AOPEP: variants seen among roughly 807,000 people sequenced by gnomAD.
AOPEP encodes the protein aminopeptidase O.
Under a neutral mutation model 98.1 loss-of-function variants are expected in AOPEP, and 77 were observed. The observed-to-expected ratio is 0.78, with a 90% CI of 0.65 to 0.95. AOPEP has a LOEUF of 0.95. Among genes scored for constraint, AOPEP ranks in the 40% least tolerant of loss-of-function variants. The probability of loss-of-function intolerance (pLI) is 0.00; values close to 1 mark genes in which losing one functional copy is unlikely to be tolerated. For synonymous variants in AOPEP, 346 were observed against 365.3 expected, an observed-to-expected ratio of 0.95 and a Z score of 0.60; for missense variants, 1,024 against 1,024.7, an observed-to-expected ratio of 1.00 and a Z score of 0.01.
At chr9:94,965,008 G>T (rs2059103848) in intron 9 of AOPEP, among the ~76,000 whole-genome samples, 1 of 152,116 alleles carries the variant, frequency 6.6e-6, no homozygotes, top group Admixed American at 6.5e-5. Flanking sequence ...AATCTACAAA[G>T]TTATCTATTA....
At chr9:95,103,754 G>A in the AOPEP span, among the ~76,000 whole-genome samples, 2,054 of 152,334 alleles carry the variant, frequency 0.013, 54 homozygotes, top group African/African-American at 0.046. Flanking sequence ...CCAGGTGCCT[G>A]GAGAAGAGCC....
intron 1 of AOPEP, among the ~76,000 whole-genome samples, chr9:94,729,257 A>G (rs78171921): frequency 0.038 from 5,772 of 152,250 alleles, 349 homozygotes; most frequent in African/African-American, 0.13. Flanking sequence ...GTGTTTGAAG[A>G]AATGAACTAT....
chr9:95,097,643 G>A, the AOPEP span, among the ~76,000 whole-genome samples: 199 of 152,314 alleles, frequency 1.3e-3, no homozygotes, highest in African/African-American at 2.3e-3. Flanking sequence ...TTCAGTGCAC[G>A]TTTCTGTTGC....
At chr9:95,036,582 G>A (rs2064839819) in intron 13 of AOPEP, among the ~76,000 whole-genome samples, 1 of 152,132 alleles carries the variant, frequency 6.6e-6, no homozygotes, top group Admixed American at 6.5e-5. Context: ...AACAAGAGCA[G>A]CACTTCATTC....
chr9:94,757,603 G>A (rs1837342398), intron 1 of AOPEP, among the ~76,000 whole-genome samples: 1 of 152,036 alleles, frequency 6.6e-6, no homozygotes, highest in Non-Finnish European at 1.5e-5. Context: ...TTTTAGAAGT[G>A]AATTTAGGAA....
At chr9:94,922,568 C>CGGGGTGACT (rs1466163975) in intron 5 of AOPEP, among the ~76,000 whole-genome samples, 1 of 152,022 alleles carries the variant, frequency 6.6e-6, no homozygotes, top group Non-Finnish European at 1.5e-5. Context: ...GTCTTCTCAA[C>CGGGGTGACT]GGGGTGACTT....
intron 1 of AOPEP, among the ~76,000 whole-genome samples, chr9:94,746,142 T>G (rs1834433472): frequency 6.6e-6 from 1 of 152,226 alleles, no homozygotes; most frequent in Non-Finnish European, 1.5e-5. Flanking sequence ...CTGACCTAAT[T>G]ACTCTCCCTT....
chr9:94,941,651 C>A (rs1037892279), intron 7 of AOPEP, among the ~76,000 whole-genome samples: 13 of 152,338 alleles, frequency 8.5e-5, no homozygotes, highest in Middle Eastern at 6.8e-3. Flanking sequence ...AGATGACAGA[C>A]ATGTCCTGAA....
chr9:94,815,518 G>A (rs1381537533), intron 5 of AOPEP, among the ~76,000 whole-genome samples: 1 of 151,998 alleles, frequency 6.6e-6, no homozygotes, highest in Non-Finnish European at 1.5e-5. Flanking sequence ...AGAACCTCGG[G>A]CCCCTTCAGG....
At chr9:95,020,587 A>G (rs2063361883) in intron 13 of AOPEP, among the ~76,000 whole-genome samples, 1 of 151,782 alleles carries the variant, frequency 6.6e-6, no homozygotes, top group East Asian at 1.9e-4. Flanking sequence ...CTTGTTATAG[A>G]CCAACTGTGA....
chr9:95,008,500 G>A (rs183258344), intron 13 of AOPEP, among the ~76,000 whole-genome samples: 4 of 152,294 alleles, frequency 2.6e-5, no homozygotes, highest in Admixed American at 2.0e-4. Context: ...AGAAAATCTC[G>A]AAGGTGCTGA....
intron 5 of AOPEP, among the ~76,000 whole-genome samples, chr9:94,857,175 G>A (rs1488393058): frequency 6.6e-6 from 1 of 152,150 alleles, no homozygotes; most frequent in African/African-American, 2.4e-5. Flanking sequence ...TTCTGTCTCT[G>A]TGAAGATTCA....
chr9:94,899,667 G>C (rs887336648), intron 5 of AOPEP, among the ~76,000 whole-genome samples: 1 of 151,638 alleles, frequency 6.6e-6, no homozygotes, highest in African/African-American at 2.4e-5. Context: ...GGAGGATTGC[G>C]TGAACCCAGG....
the AOPEP span, among the ~76,000 whole-genome samples, chr9:95,098,616 A>G: frequency 1.3e-5 from 2 of 152,190 alleles, no homozygotes; most frequent in Non-Finnish European, 2.9e-5. Context: ...CCTTGGCCGC[A>G]TCACTCATGC....
At chr9:94,790,277 C>A (rs1039624801) in intron 3 of AOPEP, among the ~76,000 whole-genome samples, 25 of 152,080 alleles carry the variant, frequency 1.6e-4, no homozygotes, top group Non-Finnish European at 3.5e-4. Flanking sequence ...AGCTATTCTC[C>A]TGCCTCAGCC....
At chr9:95,057,297 T>A (rs2133874674) in intron 13 of AOPEP, among the ~76,000 whole-genome samples, 1 of 152,334 alleles carries the variant, frequency 6.6e-6, no homozygotes, top group African/African-American at 2.4e-5. Flanking sequence ...AATAAATAAA[T>A]AAACGCAGCT....
intron 7 of AOPEP, chr9:94,932,294 C>T: frequency 1.0e-6 from 1 of 983,562 alleles, no homozygotes; most frequent in Non-Finnish European, 1.2e-6. Context: ...GAAAAAGGAA[C>T]ATTCAACATT....
intron 13 of AOPEP, among the ~76,000 whole-genome samples, chr9:95,054,388 AATATT>A (rs780178872): frequency 7.2e-5 from 11 of 152,208 alleles, no homozygotes; most frequent in Non-Finnish European, 1.5e-4. Context: ...AATAACATAA[AATATT>A]AATGTACACG....
chr9:95,044,266 T>G (rs903910962), intron 13 of AOPEP, among the ~76,000 whole-genome samples: 2 of 152,184 alleles, frequency 1.3e-5, no homozygotes, highest in African/African-American at 4.8e-5. Flanking sequence ...TGATTCTATT[T>G]TAACATATTT....
Sources: gnomAD v4.1 joint callset for allele counts (sites outside exome capture counted in the v4.1 genomes callset) on GRCh38, gnomAD v4.1.1 for gene constraint, MANE v1.5 for transcripts, NCBI Gene and HGNC (gene_info 2026-07-23, HGNC 2026-07-21) for gene names.